The following TOM1L2 variants were observed in gnomAD, a reference collection of about 807,000 sequenced individuals.
The protein encoded by TOM1L2 is TOM1-like protein 2.
In TOM1L2, 31 loss-of-function variants were observed where a neutral mutation model predicts 67.9. The ratio of observed to expected loss-of-function variants is 0.46; its 90% CI spans 0.34 to 0.62. The LOEUF (loss-of-function observed/expected upper bound fraction) is 0.62, where lower values mean the gene tolerates loss of function less well. Among genes scored for constraint, TOM1L2 ranks in the 20% least tolerant of loss-of-function variants. TOM1L2 has a pLI of 0.01. For synonymous variants in TOM1L2, 256 were observed against 254.0 expected (o/e 1.01, Z -0.07); for missense variants, 606 against 663.5 (o/e 0.91, Z 0.95).
chr17:17,857,049 G>A (rs565832479), intron 12 of TOM1L2, among the ~76,000 whole-genome samples: 117 of 152,320 alleles, frequency 7.7e-4, no homozygotes, highest in African/African-American at 2.0e-3. Context: ...CTGCCTCCCA[G>A]GTTCAAGCGA....
At chr17:17,911,660 T>A (rs2039355381) in intron 1 of TOM1L2, among the ~76,000 whole-genome samples, 1 of 151,954 alleles carries the variant, frequency 6.6e-6, no homozygotes, top group South Asian at 2.1e-4. Context: ...TTTTTTTTAA[T>A]TTTTTTATTT....
chr17:17,961,259 T>C (rs2041665125), intron 1 of TOM1L2, among the ~76,000 whole-genome samples: 1 of 151,548 alleles, frequency 6.6e-6, no homozygotes, highest in South Asian at 2.1e-4. Context: ...ATGGCTACTA[T>C]AAAGAAAAAA....
intron 12 of TOM1L2, among the ~76,000 whole-genome samples, chr17:17,857,154 C>T (rs951904126): frequency 4.6e-5 from 7 of 152,292 alleles, no homozygotes; most frequent in African/African-American, 1.4e-4. Context: ...AGGGTTTCAC[C>T]ATGTTGGCCA....
chr17:17,855,495 T>C (rs985023472), intron 12 of TOM1L2, among the ~76,000 whole-genome samples: 2 of 152,162 alleles, frequency 1.3e-5, no homozygotes, highest in Non-Finnish European at 1.5e-5. Context: ...GACCTCACAC[T>C]AGAGAGGCCA....
chr17:17,894,346 G>A (rs1409790389), intron 3 of TOM1L2, among the ~76,000 whole-genome samples: 1 of 152,202 alleles, frequency 6.6e-6, no homozygotes, highest in Non-Finnish European at 1.5e-5. Context: ...TTCCACTCTT[G>A]ACAAATGGTT....
chr17:17,885,185 C>G (rs558632338), intron 4 of TOM1L2, among the ~76,000 whole-genome samples: 1 of 152,350 alleles, frequency 6.6e-6, no homozygotes, highest in South Asian at 2.1e-4. Context: ...GGGAGCACCT[C>G]TGCCCTGAAA....
At chr17:17,861,692 T>A in intron 11 of TOM1L2, 141 bp from the exon 12 acceptor site, 1 of 719,538 alleles carries the variant, frequency 1.4e-6, no homozygotes, top group Non-Finnish European at 2.3e-6. Context: ...ACCTTGACAT[T>A]GAGCAGAGGC....
chr17:17,966,897 A>C (rs2041891704), intron 1 of TOM1L2, among the ~76,000 whole-genome samples: 1 of 152,212 alleles, frequency 6.6e-6, no homozygotes. Context: ...AAATGACTGA[A>C]GCAAAAGGGC....
At chr17:17,913,304 C>T (rs2039488236) in intron 1 of TOM1L2, among the ~76,000 whole-genome samples, 1 of 147,560 alleles carries the variant, frequency 6.8e-6, no homozygotes, top group South Asian at 2.1e-4. Flanking sequence ...AAGCTTCATC[C>T]ATGCTGAGCT....
intron 12 of TOM1L2, chr17:17,858,208 CTTTT>C (rs1203293233): frequency 3.4e-5 from 5 of 146,634 alleles, no homozygotes; most frequent in African/African-American, 1.6e-4. Flanking sequence ...AGCAATTCTA[CTTTT>C]TTCTTTTTCC....
At chr17:17,913,542 G>A (rs1040114328) in intron 1 of TOM1L2, among the ~76,000 whole-genome samples, 2 of 152,164 alleles carry the variant, frequency 1.3e-5, no homozygotes, top group African/African-American at 4.8e-5. Flanking sequence ...GAGCTCCTCT[G>A]TCAGCCTTAC....
At chr17:17,971,442 C>G (rs868652058) in intron 1 of TOM1L2, among the ~76,000 whole-genome samples, 1 of 152,114 alleles carries the variant, frequency 6.6e-6, no homozygotes, top group Admixed American at 6.5e-5. Flanking sequence ...GGCATGCCAT[C>G]CCCCTGCCAA....
At chr17:17,913,507 T>A (rs2039498373) in intron 1 of TOM1L2, among the ~76,000 whole-genome samples, 2 of 152,264 alleles carry the variant, frequency 1.3e-5, no homozygotes, top group South Asian at 4.1e-4. Flanking sequence ...AATTCTTTTA[T>A]GAAGAGAAAA....
In TOM1L2 at chr17:17,867,388, T is replaced by C. The variant is rs138790403; in HGVS notation, c.912-464A>G. On this transcript the variant is annotated intron_variant, in intron 8 of 14. Transcript: ENST00000379504. Reference sequence around the variant, plus strand: ...CACCAGCAGGAGGAAGGCGGACGCATGGCCCTGGCTACGGCCTGGGGAAAT... The same window carrying C: ...CACCAGCAGGAGGAAGGCGGACGCACGGCCCTGGCTACGGCCTGGGGAAAT... 3.9e-5 allele frequency among the ~76,000 whole-genome samples: 6 copies of C among 152,186 alleles called. No homozygotes were observed. In the East Asian group the frequency reaches 7.7e-4, roughly 20 times the overall value.
intron 4 of TOM1L2, among the ~76,000 whole-genome samples, chr17:17,885,924 CAAAAAAAAAA>C (rs35579807): frequency 1.5e-5 from 1 of 66,244 alleles, no homozygotes; most frequent in Non-Finnish European, 2.8e-5. Flanking sequence ...GACTCCGTCT[CAAAAAAAAAA>C]AAAAAAAAAA....
intron 1 of TOM1L2, among the ~76,000 whole-genome samples, chr17:17,914,035 C>T (rs1031431399): frequency 6.6e-6 from 1 of 152,202 alleles, no homozygotes; most frequent in Non-Finnish European, 1.5e-5. Flanking sequence ...TCCAGGCCCG[C>T]AGGCAAAGCT....
At chr17:17,950,370 G>A (rs944856145) in intron 1 of TOM1L2, among the ~76,000 whole-genome samples, 1 of 151,478 alleles carries the variant, frequency 6.6e-6, no homozygotes, top group Non-Finnish European at 1.5e-5. Flanking sequence ...AGTTGGCCGC[G>A]CTTGTCTCGA....
intron 1 of TOM1L2, among the ~76,000 whole-genome samples, chr17:17,912,583 C>G (rs1416154616): frequency 6.8e-6 from 1 of 145,998 alleles, no homozygotes; most frequent in Non-Finnish European, 1.5e-5. Context: ...ACATCTCAGA[C>G]GATGGGCGGC....
At chr17:17,862,921 G>A (rs1444102862) in intron 10 of TOM1L2, 73 bp from the exon 11 acceptor site, 2 of 874,248 alleles carry the variant, frequency 2.3e-6, no homozygotes, top group Non-Finnish European at 1.7e-6. Flanking sequence ...GGGCCCCCAA[G>A]CTAGGACGCC....
Sources: allele counts gnomAD v4.1 joint callset (sites outside exome capture counted in the v4.1 genomes callset), GRCh38; gene constraint gnomAD v4.1.1; transcripts MANE v1.5; gene names NCBI Gene and HGNC (gene_info 2026-07-23, HGNC 2026-07-21).